PTPRD: variants seen among roughly 807,000 people sequenced by gnomAD.
PTPRD encodes the protein protein tyrosine phosphatase receptor type D.
In PTPRD, 34 loss-of-function variants were observed where a neutral mutation model predicts 214.5. The ratio of observed to expected loss-of-function variants is 0.16; its 90% CI spans 0.12 to 0.21. PTPRD has a LOEUF of 0.21. Among genes scored for constraint, PTPRD ranks in the 10% least tolerant of loss-of-function variants. The pLI is 1.00. For missense variants in PTPRD, 2,545 were observed against 2,398.7 expected (o/e 1.06, Z -1.27); for synonymous variants, 1,128 against 845.7 (o/e 1.33, Z -5.79).
At chr9:9,849,871 T>C (rs1435884384) in intron 5 of PTPRD, among the ~76,000 whole-genome samples, 2 of 152,138 alleles carry the variant, frequency 1.3e-5, no homozygotes, top group African/African-American at 4.8e-5. Flanking sequence ...AGGTACACTT[T>C]AGGGATTAAC....
intron 11 of PTPRD, among the ~76,000 whole-genome samples, chr9:8,925,658 A>G (rs981855797): frequency 4.7e-5 from 7 of 149,804 alleles, no homozygotes; most frequent in Non-Finnish European, 8.9e-5. Flanking sequence ...TGATATAAAT[A>G]GTCTAAGCCA....
intron 3 of PTPRD, among the ~76,000 whole-genome samples, chr9:10,060,664 G>T (rs971416213): frequency 6.6e-6 from 1 of 150,750 alleles, no homozygotes; most frequent in African/African-American, 2.5e-5. Flanking sequence ...ATGCAAATTA[G>T]ATTTAATTTA....
At chr9:10,399,958 A>G (rs77649618) in intron 2 of PTPRD, among the ~76,000 whole-genome samples, 3,791 of 151,908 alleles carry the variant, frequency 0.025, 103 homozygotes, top group East Asian at 0.088. Context: ...GCAATGGGAA[A>G]CCATAAATCA....
intron 8 of PTPRD, among the ~76,000 whole-genome samples, chr9:9,549,740 C>T (rs1462761804): frequency 1.3e-5 from 2 of 151,944 alleles, no homozygotes; most frequent in African/African-American, 4.8e-5. Flanking sequence ...ATACATAGAC[C>T]AAACAATGAG....
intron 5 of PTPRD, among the ~76,000 whole-genome samples, chr9:9,853,309 T>C (rs2060897421): frequency 6.6e-6 from 1 of 152,204 alleles, no homozygotes; most frequent in Non-Finnish European, 1.5e-5. Flanking sequence ...GATACTAAAA[T>C]TCAAGTTTCA....
In PTPRD at chr9:8,341,885, T is replaced by C; in HGVS notation, c.4755A>G (p.Val1585=). Residue 1585 remains valine (V), a synonymous_variant, in exon 40 of 46, where the codon GTA becomes GTG. Coordinates refer to ENST00000381196, the MANE Select transcript of PTPRD (RefSeq NM_002839.4). ...HEKTVDIYGH[V]TLMRAQRNYM... The stretch of plus-strand genomic sequence containing the variant: ...AGTTCCTCTGGGCTCTCATTAAAGT[T>C]ACATGGCCATAAATATCTACAGTTT... 6.2e-7 allele frequency: 1 copy of C among 1,613,478 alleles called. No individual in the cohort carries two copies. The highest frequency in any genetic ancestry group is 8.5e-7 in the Non-Finnish European group (1 of 1,179,670).
At chr9:9,044,238 T>A (rs1351855748) in intron 10 of PTPRD, among the ~76,000 whole-genome samples, 1 of 152,236 alleles carries the variant, frequency 6.6e-6, no homozygotes, top group East Asian at 1.9e-4. Flanking sequence ...CTAAATATCA[T>A]CTGAAAACAC....
chr9:10,134,280 G>T (rs953771489), intron 3 of PTPRD, among the ~76,000 whole-genome samples: 1 of 152,136 alleles, frequency 6.6e-6, no homozygotes, highest in Admixed American at 6.5e-5. Flanking sequence ...AGGGAGAAGG[G>T]AGCACAGCCT....
intron 2 of PTPRD, among the ~76,000 whole-genome samples, chr9:10,397,771 A>G (rs1358677832): frequency 2.0e-5 from 3 of 151,946 alleles, no homozygotes; most frequent in Non-Finnish European, 4.4e-5. Flanking sequence ...GAAAAGGGGT[A>G]TTTGAGCTGG....
intron 2 of PTPRD, among the ~76,000 whole-genome samples, chr9:10,475,935 C>T (rs1352737152): frequency 6.6e-6 from 1 of 151,922 alleles, no homozygotes; most frequent in Non-Finnish European, 1.5e-5. Context: ...TTCAACATCC[C>T]TTCATGCTAA....
chr9:10,261,355 C>G (rs979721019), intron 3 of PTPRD, among the ~76,000 whole-genome samples: 3 of 151,912 alleles, frequency 2.0e-5, no homozygotes, highest in Admixed American at 2.0e-4. Context: ...ATCTCAATGA[C>G]TGGCATTGCT....
chr9:9,924,705 A>C (rs2153890917), intron 5 of PTPRD, among the ~76,000 whole-genome samples: 1 of 152,226 alleles, frequency 6.6e-6, no homozygotes, highest in Non-Finnish European at 1.5e-5. Flanking sequence ...AAAAGAGCCT[A>C]GATGTTCTTA....
Position 9,798,394 on chromosome 9 carries a change from T to C in PTPRD, c.-367-31543A>G, listed in dbSNP as rs564068929. On this transcript the variant is annotated intron_variant, in intron 5 of 45. Coordinates refer to ENST00000381196, the MANE Select transcript of PTPRD (RefSeq NM_002839.4). Reference sequence around the variant, plus strand: ...TGAAGTAAATAGTTGTGAAGTATGATTGGACAAAAAGGATAAGATCTAATG... The same window carrying C: ...TGAAGTAAATAGTTGTGAAGTATGACTGGACAAAAAGGATAAGATCTAATG... 4.6e-5 allele frequency among the ~76,000 whole-genome samples: 7 copies of C among 152,238 alleles called. No individual in the cohort carries two copies. In the South Asian group the frequency reaches 1.5e-3, roughly 32 times the overall value.
At chr9:9,288,887 T>G (rs951518786) in intron 9 of PTPRD, among the ~76,000 whole-genome samples, 13 of 151,834 alleles carry the variant, frequency 8.6e-5, no homozygotes, top group Non-Finnish European at 8.8e-5. Context: ...TTCCTCCTTT[T>G]GTTTGACACT....
intron 21 of PTPRD, among the ~76,000 whole-genome samples, chr9:8,514,273 G>C (rs1325560293): frequency 6.6e-6 from 1 of 152,094 alleles, no homozygotes. Flanking sequence ...CTAAATACAA[G>C]GATTCTCACA....
chr9:9,098,596 G>C (rs562191108), intron 10 of PTPRD, among the ~76,000 whole-genome samples: 1 of 152,130 alleles, frequency 6.6e-6, no homozygotes, highest in African/African-American at 2.4e-5. Flanking sequence ...ATTACAATTT[G>C]AGTGTCTGTA....
chr9:9,285,590 T>C (rs1325006027), intron 9 of PTPRD, among the ~76,000 whole-genome samples: 1 of 151,838 alleles, frequency 6.6e-6, no homozygotes, highest in Non-Finnish European at 1.5e-5. Context: ...AGATCCCACC[T>C]CATCTCTTTC....
At chr9:8,611,275 T>A (rs1301338904) in intron 14 of PTPRD, among the ~76,000 whole-genome samples, 3 of 152,208 alleles carry the variant, frequency 2.0e-5, no homozygotes, top group Admixed American at 6.5e-5. Flanking sequence ...GGATATATAT[T>A]TTTTTAACTA....
chr9:10,459,265 AG>A (rs1344332937), intron 2 of PTPRD, among the ~76,000 whole-genome samples: 1 of 151,922 alleles, frequency 6.6e-6, no homozygotes, highest in Admixed American at 6.6e-5. Context: ...TCCATGGTGT[AG>A]ATGTGCCACA....
Sources: gnomAD v4.1 joint callset for allele counts (sites outside exome capture counted in the v4.1 genomes callset) on GRCh38, gnomAD v4.1.1 for gene constraint, MANE v1.5 for transcripts, NCBI Gene and HGNC (gene_info 2026-07-23, HGNC 2026-07-21) for gene names.